Variants in HHIP observed in about 807,000 individuals in gnomAD.
HHIP encodes hedgehog interacting protein, also known as hedgehog-interacting protein.
HHIP carries 12 observed loss-of-function variants against 74.0 expected under a neutral mutation model. That is an observed-to-expected ratio of 0.16 (90% CI 0.10 to 0.26). The LOEUF (loss-of-function observed/expected upper bound fraction) is 0.26. Among genes scored for constraint, HHIP ranks in the 10% least tolerant of loss-of-function variants. The pLI, the probability that HHIP is intolerant of heterozygous loss-of-function variation, is 1.00. For missense variants in HHIP, 788 were observed against 845.0 expected (o/e 0.93, Z 0.84); for synonymous variants, 309 against 311.6 (o/e 0.99, Z 0.09).
At chr4:144,721,902 C>CA (rs766278808) in intron 11 of HHIP, among the ~76,000 whole-genome samples, 1,082 of 95,476 alleles carry the variant, frequency 0.011, 16 homozygotes, top group African/African-American at 0.031. Flanking sequence ...GACTCTGTCT[C>CA]AAAAAAAAAA....
intron 4 of HHIP, among the ~76,000 whole-genome samples, chr4:144,705,695 C>CTATT (rs1322871333): frequency 6.6e-6 from 1 of 152,190 alleles, no homozygotes; most frequent in Admixed American, 6.5e-5. Context: ...AAATGCCTTT[C>CTATT]TATTTAAGAA....
chr4:144,692,544 C>G (rs1729703225), intron 4 of HHIP, among the ~76,000 whole-genome samples: 1 of 152,136 alleles, frequency 6.6e-6, no homozygotes, highest in South Asian at 2.1e-4. Context: ...ACAGGTCTTC[C>G]CTCTTTAGAG....
chr4:144,669,927 G>C (rs1287040710), intron 4 of HHIP, among the ~76,000 whole-genome samples: 9 of 149,322 alleles, frequency 6.0e-5, no homozygotes, highest in Non-Finnish European at 1.0e-4. Context: ...GGATCACGAG[G>C]TCAAGAGATC....
intron 4 of HHIP, among the ~76,000 whole-genome samples, chr4:144,676,661 T>G (rs997231949): frequency 1.3e-5 from 2 of 152,156 alleles, no homozygotes; most frequent in Non-Finnish European, 2.9e-5. Flanking sequence ...GGACCTAGAA[T>G]GTGGAAGGTA....
intron 11 of HHIP, 144 bp downstream of exon 11, chr4:144,719,100 G>A: frequency 1.6e-6 from 1 of 634,138 alleles, no homozygotes; most frequent in Non-Finnish European, 2.8e-6. Context: ...GAGCTGTCCT[G>A]AAAGGATTTT....
At chr4:144,656,490 C>T (rs1390558904) in intron 2 of HHIP, among the ~76,000 whole-genome samples, 5 of 152,136 alleles carry the variant, frequency 3.3e-5, no homozygotes, top group Non-Finnish European at 5.9e-5. Flanking sequence ...GAATTGACCA[C>T]CAGCATTGTT....
At chr4:144,681,351 TAAAAA>T (rs927664890) in intron 4 of HHIP, among the ~76,000 whole-genome samples, 1 of 145,354 alleles carries the variant, frequency 6.9e-6, no homozygotes, top group Non-Finnish European at 1.5e-5. Context: ...GCACTAAACA[TAAAAA>T]AAAAGCCTTT....
intron 4 of HHIP, among the ~76,000 whole-genome samples, chr4:144,664,156 C>A (rs1161482145): frequency 6.6e-6 from 1 of 152,226 alleles, no homozygotes; most frequent in Admixed American, 6.5e-5. Context: ...CCCTCTCTAT[C>A]TACTTGGACC....
At chr4:144,667,803 A>C (rs1166310761) in intron 4 of HHIP, among the ~76,000 whole-genome samples, 1 of 152,160 alleles carries the variant, frequency 6.6e-6, no homozygotes. Context: ...CTGTCAATCT[A>C]CCACAGAGTT....
intron 4 of HHIP, among the ~76,000 whole-genome samples, chr4:144,674,103 T>C (rs1204209510): frequency 6.6e-6 from 1 of 152,198 alleles, no homozygotes. Flanking sequence ...CAATTCTCTG[T>C]TTGGAAAGAA....
intron 11 of HHIP, 152 bp downstream of exon 11, chr4:144,719,108 T>C (rs1211514013): frequency 8.0e-6 from 5 of 626,666 alleles, no homozygotes; most frequent in Non-Finnish European, 1.4e-5. Context: ...CTGAAAGGAT[T>C]TTCTTCGCCT....
chr4:144,734,386 G>T (rs1731049208), intron 11 of HHIP, among the ~76,000 whole-genome samples: 1 of 151,986 alleles, frequency 6.6e-6, no homozygotes, highest in African/African-American at 2.4e-5. Flanking sequence ...AGGGTGAAAA[G>T]TTTTAAGATA....
chr4:144,646,914 T>C lies in HHIP; in HGVS notation c.239T>C (p.Leu80Pro), dbSNP rs1001883654. The change falls in exon 1 of 13, where the codon CTG (leucine) becomes CCG (proline). Residue 80 changes from leucine (L) to proline (P), a missense_variant. Transcript: ENST00000296575. ...GGFYPRLSCC[L>P]RSDSPGLGRL... ...TTCTACCCTCGGCTGTCCTGCTGCC[T>C]GCGGAGTGACAGCCCGGGGCTAGGG... is the stretch of plus-strand genomic sequence containing the variant. 9.9e-6 allele frequency: 16 copies of C among 1,613,270 alleles called. No individual in the cohort carries two copies. The highest frequency in any genetic ancestry group is 1.3e-5 in the African/African-American group (1 of 74,896).
At chr4:144,672,805 G>A (rs1729076864) in intron 4 of HHIP, among the ~76,000 whole-genome samples, 1 of 152,082 alleles carries the variant, frequency 6.6e-6, no homozygotes, top group South Asian at 2.1e-4. Context: ...GGGTTCAAGC[G>A]ATTCTCCTGC....
In HHIP at chr4:144,709,794, G is replaced by A. The variant is rs150769236; in HGVS notation, c.1301+1483G>A. Among the ~76,000 whole-genome samples the A allele has an allele frequency of 1.7e-3, 261 of 152,240 alleles. 2 individuals carry two copies. The highest frequency in any genetic ancestry group is 6.1e-3 in the African/African-American group (254 of 41,540). ...ATTAATAGACTAGTTAAAGGACAGT[G>A]ATAGATGCACAGCAAAATTGAGAAA... is the stretch of plus-strand genomic sequence containing the variant. On this transcript the variant is annotated intron_variant, in intron 7 of 12. Transcript: ENST00000296575.
chr4:144,702,224 C>T (rs865919207), intron 4 of HHIP, among the ~76,000 whole-genome samples: 1 of 152,128 alleles, frequency 6.6e-6, no homozygotes, highest in Admixed American at 6.6e-5. Context: ...CAAATGGATA[C>T]TTAATTATTC....
At chr4:144,700,358 T>C (rs1407009006) in intron 4 of HHIP, among the ~76,000 whole-genome samples, 1 of 152,230 alleles carries the variant, frequency 6.6e-6, no homozygotes, top group African/African-American at 2.4e-5. Flanking sequence ...GGATCCTTTT[T>C]CAGAAACCGA....
At position 144,658,871 on chromosome 4, in the gene HHIP, G is replaced by C. The variant is rs1728623043; in HGVS notation, c.554G>C (p.Arg185Thr). 3 of 1,613,692 alleles carry C rather than the reference G, an allele frequency of 1.9e-6. No homozygotes were observed. The African/African-American group carries it at 4.0e-5, about 22-fold the overall frequency. The part of the protein sequence containing the change: ...DGGLCFPDFP[R>T]KQVRGPASNY... ...GGGTTGTGCTTTCCAGATTTTCCAAGAAAACAAGTCAGAGGACCAGCATCT... is the reference window on the plus strand; with the variant it reads ...GGGTTGTGCTTTCCAGATTTTCCAACAAAACAAGTCAGAGGACCAGCATCT... The change falls in exon 3 of 13, where the codon AGA (arginine) becomes ACA (threonine). Residue 185 changes from arginine (R) to threonine (T), a missense_variant. Transcript: ENST00000296575.
chr4:144,722,970 CAA>C (rs1309926228), intron 11 of HHIP, among the ~76,000 whole-genome samples: 2 of 152,092 alleles, frequency 1.3e-5, no homozygotes, highest in Non-Finnish European at 2.9e-5. Flanking sequence ...AGAATTCTGA[CAA>C]AGTTATGTAA....
Sources: allele counts gnomAD v4.1 joint callset (sites outside exome capture counted in the v4.1 genomes callset), GRCh38; gene constraint gnomAD v4.1.1; transcripts MANE v1.5; gene names NCBI Gene and HGNC (gene_info 2026-07-23, HGNC 2026-07-21).